Variants in ROBO2 observed in about 807,000 individuals in gnomAD.
ROBO2 encodes the protein roundabout guidance receptor 2.
ROBO2 carries 53 observed loss-of-function variants against 160.8 expected under a neutral mutation model. The ratio of observed to expected loss-of-function variants is 0.33; its 90% CI spans 0.26 to 0.41. The LOEUF (loss-of-function observed/expected upper bound fraction) is 0.41, where lower values mean the gene tolerates loss of function less well. Among genes scored for constraint, ROBO2 ranks in the 10% least tolerant of loss-of-function variants. ROBO2 has a pLI of 1.00. For synonymous variants in ROBO2, 664 were observed against 611.7 expected, an observed-to-expected ratio of 1.09 and a Z score of -1.26; for missense variants, 1,577 against 1,722.4, an observed-to-expected ratio of 0.92 and a Z score of 1.49.
chr3:76,677,823 TATAAG>T (rs1403072434), intron 2 of ROBO2, among the ~76,000 whole-genome samples: 1 of 152,040 alleles, frequency 6.6e-6, no homozygotes, highest in Non-Finnish European at 1.5e-5. Context: ...ACAATAATCA[TATAAG>T]ATATTACTGC....
rs370913842 is a variant in ROBO2, at chr3:77,058,652, C to T, written c.61+17806C>T. Among the ~76,000 whole-genome samples the T allele has an allele frequency of 4.0e-4, 61 of 152,062 alleles. No individual in the cohort carries two copies. The South Asian group carries it at 0.012, about 29-fold the overall frequency. Reference sequence around the variant, plus strand: ...GGCTCAGGTGGTCCTCTCACTTCAGCTTGAGTAGCTGGGATTATAGGCCTG... The same window carrying T: ...GGCTCAGGTGGTCCTCTCACTTCAGTTTGAGTAGCTGGGATTATAGGCCTG... On this transcript the variant is annotated intron_variant, in intron 1 of 25. Transcript: ENST00000461745.
At chr3:76,434,575 G>A (rs1284306643) in intron 2 of ROBO2, 12 of 1,586,476 alleles carry the variant, frequency 7.6e-6, no homozygotes, top group African/African-American at 4.0e-5. Flanking sequence ...GGACAGAGCT[G>A]CAGGCTTACA....
At chr3:76,788,477 AT>A (rs1348067210) in intron 2 of ROBO2, among the ~76,000 whole-genome samples, 3 of 151,536 alleles carry the variant, frequency 2.0e-5, no homozygotes, top group Non-Finnish European at 4.4e-5. Context: ...TAAGTTTATA[AT>A]CTAATAAAAA....
At chr3:76,301,617 G>A (rs1287573469) in intron 2 of ROBO2, among the ~76,000 whole-genome samples, 1 of 152,020 alleles carries the variant, frequency 6.6e-6, no homozygotes, top group African/African-American at 2.4e-5. Flanking sequence ...GTGGTGTTAT[G>A]AGGTGAAAGT....
In ROBO2 at chr3:77,480,878, A is replaced by G. The variant is rs577442469; in HGVS notation, c.547-221A>G. Reference sequence around the variant, plus strand: ...AAAATGCGATCAGGAAAGAGAGGACAGCTGCCTTAAAAAATATTTTCTATG... The same window carrying G: ...AAAATGCGATCAGGAAAGAGAGGACGGCTGCCTTAAAAAATATTTTCTATG... On this transcript the variant is annotated intron_variant, in intron 3 of 25. Coordinates refer to ENST00000461745, the Ensembl canonical transcript of ROBO2. 2.5e-3 allele frequency among the ~76,000 whole-genome samples: 388 copies of G among 152,326 alleles called. 1 individual carries two copies. The highest frequency in any genetic ancestry group is 9.0e-3 in the African/African-American group (375 of 41,578).
chr3:76,238,846 A>G (rs905339613), intron 2 of ROBO2, among the ~76,000 whole-genome samples: 1 of 152,216 alleles, frequency 6.6e-6, no homozygotes, highest in African/African-American at 2.4e-5. Context: ...TTGGGTGAGG[A>G]CACAAAGCCT....
At chr3:76,862,610 G>A (rs1653714651) in intron 2 of ROBO2, among the ~76,000 whole-genome samples, 1 of 152,046 alleles carries the variant, frequency 6.6e-6, no homozygotes, top group Non-Finnish European at 1.5e-5. Context: ...GTGTCCCTGT[G>A]TCTTCAGAGA....
intron 2 of ROBO2, among the ~76,000 whole-genome samples, chr3:76,335,706 C>T (rs981588870): frequency 4.6e-5 from 7 of 151,646 alleles, no homozygotes; most frequent in Non-Finnish European, 8.8e-5. Context: ...GCCTCCCGAG[C>T]AGCTGGGACT....
chr3:75,971,326 T>G (rs995262739), intron 2 of ROBO2, among the ~76,000 whole-genome samples: 2 of 151,498 alleles, frequency 1.3e-5, no homozygotes, highest in Admixed American at 6.6e-5. Context: ...AACAACATCA[T>G]AAAACCTGAA....
intron 2 of ROBO2, among the ~76,000 whole-genome samples, chr3:76,069,634 T>A (rs1027932495): frequency 6.6e-6 from 1 of 151,576 alleles, no homozygotes; most frequent in Non-Finnish European, 1.5e-5. Flanking sequence ...TTTTTTTTAA[T>A]GAAAATTAGA....
At position 77,436,636 on chromosome 3, in the gene ROBO2, A is replaced by G. The variant is rs570443390; in HGVS notation, c.389-40778A>G. 7.7e-4 allele frequency among the ~76,000 whole-genome samples: 117 copies of G among 151,974 alleles called. 3 individuals are homozygous for G. The highest frequency in any genetic ancestry group is 1.2e-3 in the Admixed American group (19 of 15,240). ...TGGTCAGATGTGACCTTCTGAGTTG[A>G]TGTAAAAAGAACATAGAAACTAATT... On this transcript the variant is annotated intron_variant, in intron 2 of 25. Transcript: ENST00000461745.
At chr3:77,506,808 A>G (rs187006898) in intron 5 of ROBO2, among the ~76,000 whole-genome samples, 2 of 152,322 alleles carry the variant, frequency 1.3e-5, no homozygotes, top group East Asian at 1.9e-4. Context: ...GGCAAAAATA[A>G]TAGAATATAA....
At chr3:76,195,832 A>G (rs957784844) in intron 2 of ROBO2, among the ~76,000 whole-genome samples, 2 of 152,188 alleles carry the variant, frequency 1.3e-5, no homozygotes, top group Non-Finnish European at 2.9e-5. Flanking sequence ...CTGCAAATGG[A>G]TGCAGCAATT....
In ROBO2 at chr3:77,482,040, A is replaced by C. The variant is rs577910287; in HGVS notation, c.667+821A>C. Among the ~76,000 whole-genome samples the C allele has an allele frequency of 4.6e-5, 7 of 152,316 alleles. No homozygotes were observed. In the South Asian group the frequency reaches 1.2e-3, roughly 27 times the overall value. On this transcript the variant is annotated intron_variant, in intron 4 of 25. Coordinates refer to ENST00000461745, the Ensembl canonical transcript of ROBO2. The stretch of plus-strand genomic sequence containing the variant: ...ATACATTCTATTTAAATTCTATTTA[A>C]ATCTCTGTATAGACATACACATTTA...
At chr3:76,948,050 G>A (rs2078681816) in intron 2 of ROBO2, among the ~76,000 whole-genome samples, 1 of 152,076 alleles carries the variant, frequency 6.6e-6, no homozygotes, top group Non-Finnish European at 1.5e-5. Context: ...GTCTAAGGAT[G>A]GTTAACTCTC....
At chr3:76,393,028 C>T (rs942066010) in intron 2 of ROBO2, among the ~76,000 whole-genome samples, 1 of 152,146 alleles carries the variant, frequency 6.6e-6, no homozygotes, top group African/African-American at 2.4e-5. Flanking sequence ...GAAACTCCCC[C>T]TTGCTGATAA....
chr3:76,453,051 GT>G (rs1317461609), intron 2 of ROBO2, among the ~76,000 whole-genome samples: 1 of 152,116 alleles, frequency 6.6e-6, no homozygotes. Context: ...ATTTATTTGA[GT>G]TCATTGTAGA....
intron 2 of ROBO2, among the ~76,000 whole-genome samples, chr3:77,306,587 C>A (rs549598216): frequency 1.3e-5 from 2 of 152,106 alleles, no homozygotes; most frequent in East Asian, 3.9e-4. Context: ...CACTAATAGA[C>A]CAGTGAACTA....
chr3:76,661,255 AC>A (rs2091806922), intron 2 of ROBO2, among the ~76,000 whole-genome samples: 1 of 152,208 alleles, frequency 6.6e-6, no homozygotes, highest in Admixed American at 6.5e-5. Context: ...GAAAGATTGA[AC>A]AAGAAATTTT....
Sources: gnomAD v4.1 joint callset for allele counts (sites outside exome capture counted in the v4.1 genomes callset) on GRCh38, gnomAD v4.1.1 for gene constraint, MANE v1.5 for transcripts, NCBI Gene and HGNC (gene_info 2026-07-23, HGNC 2026-07-21) for gene names.